The following MRTFB variants were observed in gnomAD, a reference collection of about 807,000 sequenced individuals.
The protein encoded by MRTFB is myocardin related transcription factor B.
Under a neutral mutation model 104.2 loss-of-function variants are expected in MRTFB, and 29 were observed. That is an observed-to-expected ratio of 0.28 (90% CI 0.21 to 0.38). The LOEUF (loss-of-function observed/expected upper bound fraction) is 0.38, where lower values mean the gene tolerates loss of function less well. Ranked by LOEUF, MRTFB falls within the 10% of genes least tolerant of loss-of-function variation. The probability of loss-of-function intolerance (pLI) is 1.00; values close to 1 mark genes in which losing one functional copy is unlikely to be tolerated. For synonymous variants in MRTFB, 535 were observed against 519.5 expected (o/e 1.03, Z -0.41); for missense variants, 1,270 against 1,341.6 (o/e 0.95, Z 0.83).
intron 2 of MRTFB, among the ~76,000 whole-genome samples, chr16:14,086,981 C>T (rs1200461092): frequency 1.3e-5 from 2 of 151,954 alleles, no homozygotes; most frequent in Non-Finnish European, 2.9e-5. Context: ...GGGAAGTAGT[C>T]GTTTGATTGG....
the MRTFB span, among the ~76,000 whole-genome samples, chr16:14,050,213 T>C: frequency 2.0e-5 from 3 of 151,362 alleles, no homozygotes; most frequent in Non-Finnish European, 2.9e-5. Flanking sequence ...TAAACAGAGG[T>C]AGAATCTAGA....
chr16:14,144,958 A>T (rs1315290949), intron 3 of MRTFB, among the ~76,000 whole-genome samples: 5 of 133,412 alleles, frequency 3.7e-5, no homozygotes, highest in Admixed American at 7.3e-5. Flanking sequence ...CAAAAAAAAA[A>T]AAAATAAATA....
At chr16:14,061,000 G>A in the MRTFB span, among the ~76,000 whole-genome samples, 26 of 152,068 alleles carry the variant, frequency 1.7e-4, no homozygotes, top group Non-Finnish European at 3.4e-4. Context: ...CAAAAACTTA[G>A]CCAGGTGTGG....
At chr16:14,239,553 C>T (rs1278972727) in intron 9 of MRTFB, among the ~76,000 whole-genome samples, 1 of 152,042 alleles carries the variant, frequency 6.6e-6, no homozygotes, top group Non-Finnish European at 1.5e-5. Flanking sequence ...TCAGATGACG[C>T]TATCTTAGAA....
chr16:14,175,132 C>T (rs56268866), intron 3 of MRTFB, among the ~76,000 whole-genome samples: 2,160 of 150,020 alleles, frequency 0.014, 20 homozygotes, highest in Non-Finnish European at 0.022. Flanking sequence ...CCACGAGTAA[C>T]CTTGTGGGTT....
At chr16:14,167,977 G>A (rs536260721) in intron 3 of MRTFB, among the ~76,000 whole-genome samples, 69 of 152,292 alleles carry the variant, frequency 4.5e-4, no homozygotes, top group Admixed American at 7.8e-4. Flanking sequence ...GTGAGCCACC[G>A]CGCCCGGCCA....
At chr16:14,086,595 AATCTTG>A (rs2034717321) in intron 2 of MRTFB, among the ~76,000 whole-genome samples, 1 of 152,106 alleles carries the variant, frequency 6.6e-6, no homozygotes, top group Non-Finnish European at 1.5e-5. Context: ...CTGATGGTAT[AATCTTG>A]TATTTGTTTT....
intron 8 of MRTFB, 81 bp downstream of exon 8, chr16:14,219,079 C>T (rs574148661): frequency 2.9e-5 from 37 of 1,291,976 alleles, no homozygotes; most frequent in Non-Finnish European, 3.6e-5. Context: ...ACACTTTGAC[C>T]AGAAGAAAAT....
chr16:14,247,291 T>C lies in MRTFB; in HGVS notation c.2031T>C (p.Ala677=). 6 of 1,614,168 alleles carry C rather than the reference T, an allele frequency of 3.7e-6. No individual in the cohort carries two copies. The highest frequency in any genetic ancestry group is 4.2e-6 in the Non-Finnish European group (5 of 1,180,018). ...TGGQTLVAKK[A]VVIKQEVPVG... is the part of the protein sequence containing the mutation. ...GCCAGACCCTTGTTGCCAAAAAGGC[T>C]GTAGTTATCAAGCAAGAGGTCCCTG... The change falls in exon 12 of 17, where the codon GCT becomes GCC. Residue 677 remains alanine (A), a synonymous_variant. Transcript: ENST00000571589.
intron 8 of MRTFB, among the ~76,000 whole-genome samples, chr16:14,225,303 C>A (rs1467140475): frequency 6.6e-6 from 1 of 152,126 alleles, no homozygotes; most frequent in African/African-American, 2.4e-5. Flanking sequence ...TTAAAAATTA[C>A]AAATCTATGT....
the MRTFB span, among the ~76,000 whole-genome samples, chr16:14,017,707 ATATATTTT>A: frequency 5.3e-5 from 1 of 18,834 alleles, no homozygotes; most frequent in Admixed American, 1.3e-3. Context: ...ATATATATAT[ATATATTTT>A]TTTTTTTTTT....
At chr16:14,257,934 T>G (rs569957977) in intron 15 of MRTFB, among the ~76,000 whole-genome samples, 167 bp from the exon 16 acceptor site, 1 of 152,374 alleles carries the variant, frequency 6.6e-6, no homozygotes, top group South Asian at 2.1e-4. Flanking sequence ...ACTAACCAGC[T>G]GTACAGCTTG....
intron 10 of MRTFB, among the ~76,000 whole-genome samples, chr16:14,244,666 T>C (rs1470981270): frequency 2.0e-5 from 3 of 152,216 alleles, no homozygotes; most frequent in Non-Finnish European, 4.4e-5. Context: ...TTGAATCATC[T>C]TTCACTTATT....
chr16:14,232,677 G>A (rs192865226), intron 8 of MRTFB, among the ~76,000 whole-genome samples: 2 of 152,282 alleles, frequency 1.3e-5, no homozygotes, highest in East Asian at 1.9e-4. Flanking sequence ...TTGCACACTC[G>A]CACACCCACG....
the MRTFB span, among the ~76,000 whole-genome samples, chr16:14,064,039 G>T: frequency 6.6e-5 from 10 of 152,166 alleles, no homozygotes; most frequent in African/African-American, 2.4e-4. Flanking sequence ...TAAGTTCATT[G>T]AGAAATTGTC....
At chr16:14,213,214 T>C (rs2041271996) in intron 5 of MRTFB, among the ~76,000 whole-genome samples, 1 of 152,202 alleles carries the variant, frequency 6.6e-6, no homozygotes, top group Admixed American at 6.5e-5. Flanking sequence ...ACCTGAAGTA[T>C]AGATTTTATT....
intron 9 of MRTFB, among the ~76,000 whole-genome samples, chr16:14,238,148 G>A (rs1233139278): frequency 1.3e-5 from 2 of 152,160 alleles, no homozygotes; most frequent in African/African-American, 4.8e-5. Context: ...GACGAGGTGG[G>A]TGGGTGGAGG....
intron 3 of MRTFB, among the ~76,000 whole-genome samples, chr16:14,150,395 A>C (rs2038554531): frequency 6.6e-6 from 1 of 152,212 alleles, no homozygotes; most frequent in Admixed American, 6.5e-5. Context: ...TAAAAAATCC[A>C]TGTATAACTT....
the MRTFB span, among the ~76,000 whole-genome samples, chr16:14,060,046 A>G: frequency 8.2e-6 from 1 of 121,548 alleles, no homozygotes; most frequent in Admixed American, 1.1e-4. Context: ...TCACTCTGTC[A>G]CCCAGGCTGA....
Sources: allele counts gnomAD v4.1 joint callset (sites outside exome capture counted in the v4.1 genomes callset), GRCh38; gene constraint gnomAD v4.1.1; transcripts MANE v1.5; gene names NCBI Gene and HGNC (gene_info 2026-07-23, HGNC 2026-07-21).